The following CNST variants were observed in gnomAD, a reference collection of about 807,000 sequenced individuals.
CNST encodes the protein consortin, connexin sorting protein, also known as consortin.
A neutral mutation model predicts 72.4 loss-of-function variants in CNST; 39 were observed. The ratio of observed to expected loss-of-function variants is 0.54; its 90% CI spans 0.42 to 0.70. The LOEUF is 0.70. CNST is among the 30% of genes least tolerant of loss of function. CNST has a pLI of 0.00. For synonymous variants in CNST, 332 were observed against 320.1 expected (o/e 1.04, Z -0.40); for missense variants, 871 against 868.5 (o/e 1.00, Z -0.04).
rs187991266 is a variant in CNST at position 246,661,020 on chromosome 1, A to G, written c.1972+686A>G. ...GGTCTTGCTCTGTCACCCAGGCTGG[A>G]TTGCAGTGGCGCAAATCACTGCAAC... On this transcript the variant is annotated intron_variant, in intron 10 of 10. Coordinates refer to ENST00000366513, the MANE Select transcript of CNST (RefSeq NM_152609.3). 5.3e-3 allele frequency among the ~76,000 whole-genome samples: 804 copies of G among 151,484 alleles called. 5 individuals carry two copies. Among genetic ancestry groups the G allele is most frequent in the Non-Finnish European group, 7.5e-3 (512 of 67,890 alleles).
At chr1:246,608,444 A>G (rs1201158138) in intron 2 of CNST, among the ~76,000 whole-genome samples, 1 of 152,270 alleles carries the variant, frequency 6.6e-6, no homozygotes, top group South Asian at 2.1e-4. Context: ...TAAAGTGTAA[A>G]ATGTCTAATC....
At chr1:246,662,320 G>T (rs1362411003) in intron 10 of CNST, among the ~76,000 whole-genome samples, 1 of 152,176 alleles carries the variant, frequency 6.6e-6, no homozygotes, top group African/African-American at 2.4e-5. Flanking sequence ...TGAGGCACAT[G>T]TATGATTTTC....
chr1:246,567,091 G>A (rs1000855418), intron 1 of CNST, among the ~76,000 whole-genome samples: 1 of 149,972 alleles, frequency 6.7e-6, no homozygotes, highest in Non-Finnish European at 1.5e-5. Context: ...GAACCGCGTG[G>A]TGTCTCCCTT....
intron 8 of CNST, among the ~76,000 whole-genome samples, chr1:246,645,094 G>T (rs1665956402): frequency 6.6e-6 from 1 of 152,164 alleles, no homozygotes; most frequent in African/African-American, 2.4e-5. Context: ...TTGAGTCAGG[G>T]TGTCAGGGGA....
chr1:246,659,352 T>TG (rs1444249528), intron 9 of CNST, among the ~76,000 whole-genome samples: 21 of 152,288 alleles, frequency 1.4e-4, no homozygotes, highest in Admixed American at 1.2e-3. Flanking sequence ...CCCAGCACTT[T>TG]GGGAGGCCAA....
chr1:246,664,617 G>T (rs78862123), intron 10 of CNST, among the ~76,000 whole-genome samples: 3 of 151,804 alleles, frequency 2.0e-5, no homozygotes, highest in South Asian at 2.1e-4. Flanking sequence ...TAGTAGAGAC[G>T]GGGTTTCACC....
chr1:246,613,460 G>A (rs1188139207), intron 2 of CNST, among the ~76,000 whole-genome samples: 1 of 151,754 alleles, frequency 6.6e-6, no homozygotes, highest in Non-Finnish European at 1.5e-5. Context: ...CTGAATAATG[G>A]CATAACCTTC....
intron 3 of CNST, among the ~76,000 whole-genome samples, chr1:246,628,268 G>A (rs896487765): frequency 7.9e-5 from 12 of 152,066 alleles, no homozygotes; most frequent in Non-Finnish European, 1.8e-4. Flanking sequence ...TCAATACTTT[G>A]TATCCTTCAA....
chr1:246,578,327 C>T lies in CNST; in HGVS notation c.-52+11664C>T, dbSNP rs147040671. On this transcript the variant is annotated intron_variant, in intron 1 of 10. Transcript: ENST00000366513. The stretch of plus-strand genomic sequence containing the variant: ...GCTTTAAAATAAGCTCTAAAATTAT[C>T]GTGCTCTAAAAAATGGGTCTCTGAA... Among the ~76,000 whole-genome samples, 665 of 152,118 alleles carry T rather than the reference C, an allele frequency of 4.4e-3. 11 individuals carry two copies. The highest frequency in any genetic ancestry group is 0.015 in the African/African-American group (639 of 41,392).
intron 2 of CNST, among the ~76,000 whole-genome samples, chr1:246,604,631 T>C (rs1048128560): frequency 2.6e-5 from 4 of 152,158 alleles, no homozygotes; most frequent in Non-Finnish European, 5.9e-5. Context: ...CAAATATATA[T>C]ATTTTCAGGA....
At chr1:246,629,030 T>C (rs1664616333) in intron 3 of CNST, among the ~76,000 whole-genome samples, 1 of 152,244 alleles carries the variant, frequency 6.6e-6, no homozygotes, top group African/African-American at 2.4e-5. Context: ...TTTGTATTTA[T>C]TTATTTATTT....
chr1:246,587,718 A>G (rs753173011), intron 1 of CNST, among the ~76,000 whole-genome samples: 5 of 152,252 alleles, frequency 3.3e-5, no homozygotes, highest in Non-Finnish European at 7.3e-5. Context: ...TATACCCACA[A>G]TGAGGCTTTT....
chr1:246,596,020 T>A (rs1421675899), intron 2 of CNST, among the ~76,000 whole-genome samples: 1 of 152,118 alleles, frequency 6.6e-6, no homozygotes, highest in African/African-American at 2.4e-5. Flanking sequence ...CTCAGGGAAG[T>A]CCAGTTGTCA....
At position 246,621,504 on chromosome 1, in the gene CNST, A is replaced by C; in HGVS notation, c.455A>C (p.Glu152Ala). Reference protein sequence around the residue: ...LSAVTYAVDDEEAAEVNANEQ... With the variant: ...LSAVTYAVDDAEAAEVNANEQ... ...GCAGTCACATATGCTGTTGATGATG[A>C]AGAAGCTGCTGAAGTAAATGCTAAT... Residue 152 changes from glutamate to alanine, a missense_variant, in exon 3 of 11, where the codon GAA (glutamate) becomes GCA (alanine). By Grantham distance (107) the Glu-to-Ala change is moderately radical. Transcript: ENST00000366513. 6.2e-7 allele frequency: 1 copy of C among 1,614,178 alleles called. No individual in the cohort carries two copies. The highest frequency in any genetic ancestry group is 1.7e-5 in the Admixed American group (1 of 60,018).
chr1:246,602,707 G>A (rs1312201787), intron 2 of CNST, among the ~76,000 whole-genome samples: 3 of 152,134 alleles, frequency 2.0e-5, no homozygotes, highest in Admixed American at 6.6e-5. Flanking sequence ...CAGGAATCAC[G>A]GGGGCCCATC....
At chr1:246,612,493 G>A (rs1406374296) in intron 2 of CNST, among the ~76,000 whole-genome samples, 1 of 152,184 alleles carries the variant, frequency 6.6e-6, no homozygotes, top group Non-Finnish European at 1.5e-5. Flanking sequence ...GTGAGCCACC[G>A]TGGCCAGCTG....
chr1:246,593,331 TTC>T (rs1223314726), intron 2 of CNST, among the ~76,000 whole-genome samples: 2 of 151,944 alleles, frequency 1.3e-5, no homozygotes, highest in African/African-American at 4.8e-5. Context: ...TTTTTTTTTT[TTC>T]TTTTTTTTGA....
chr1:246,630,584 T>C (rs981774909), intron 3 of CNST, among the ~76,000 whole-genome samples: 1 of 152,348 alleles, frequency 6.6e-6, no homozygotes, highest in African/African-American at 2.4e-5. Context: ...CCTGAGGGAT[T>C]TGGGAAAATC....
intron 2 of CNST, among the ~76,000 whole-genome samples, chr1:246,619,682 T>G (rs145258233): frequency 1.2e-4 from 18 of 152,346 alleles, no homozygotes; most frequent in African/African-American, 4.3e-4. Flanking sequence ...TTCTAGCCGT[T>G]AGGATCTGTA....
Sources: gnomAD v4.1 joint callset for allele counts (sites outside exome capture counted in the v4.1 genomes callset) on GRCh38, gnomAD v4.1.1 for gene constraint, MANE v1.5 for transcripts, NCBI Gene and HGNC (gene_info 2026-07-23, HGNC 2026-07-21) for gene names.